The following TNRC18 variants were observed in gnomAD, a reference collection of about 807,000 sequenced individuals.
TNRC18 encodes the protein trinucleotide repeat containing 18.
Under a neutral mutation model 226.7 loss-of-function variants are expected in TNRC18, and 69 were observed. That is an observed-to-expected ratio of 0.30 (90% CI 0.25 to 0.37). TNRC18 has a LOEUF of 0.37. Ranked by LOEUF, TNRC18 falls within the 10% of genes least tolerant of loss-of-function variation. The pLI, the probability that TNRC18 is intolerant of heterozygous loss-of-function variation, is 1.00. For missense variants in TNRC18, 4,754 were observed against 4,256.6 expected (o/e 1.12, Z -3.25); for synonymous variants, 2,449 against 1,927.6 (o/e 1.27, Z -7.09).
At chr7:5,334,002 C>A (rs118187968) in intron 18 of TNRC18, among the ~76,000 whole-genome samples, 1 of 152,178 alleles carries the variant, frequency 6.6e-6, no homozygotes, top group Non-Finnish European at 1.5e-5. Flanking sequence ...GTGAGTGAGG[C>A]GTAGATGGCA....
At chr7:5,369,663 C>T (rs867311845) in intron 11 of TNRC18, among the ~76,000 whole-genome samples, 86 of 152,270 alleles carry the variant, frequency 5.6e-4, no homozygotes, top group African/African-American at 2.0e-3. Context: ...GGTTTCTTGG[C>T]TTGAACACCT....
In TNRC18 at chr7:5,363,763, C is replaced by T. The variant is rs186208492; in HGVS notation, c.4220-938G>A. ...TTCCAGCAGTACGGCTCTCCTTCCA[C>T]TTATTTGTACGTGCATTTTTCCATA... On this transcript the variant is annotated intron_variant, in intron 11 of 29. Transcript: ENST00000430969. Among the ~76,000 whole-genome samples, 699 of 152,198 alleles carry T rather than the reference C, an allele frequency of 4.6e-3. 6 individuals are homozygous for T. Among genetic ancestry groups the T allele is most frequent in the African/African-American group, 0.016 (671 of 41,536 alleles).
chr7:5,353,470 G>C (rs1323182555), intron 16 of TNRC18, among the ~76,000 whole-genome samples: 2 of 150,118 alleles, frequency 1.3e-5, no homozygotes, highest in Non-Finnish European at 3.0e-5. Context: ...GAGGTGGGAG[G>C]ATCACTTGAA....
chr7:5,340,663 A>T (rs1476485191), intron 18 of TNRC18, among the ~76,000 whole-genome samples: 2 of 151,418 alleles, frequency 1.3e-5, no homozygotes, highest in Non-Finnish European at 2.9e-5. Flanking sequence ...GAATCACTTG[A>T]ACCCGGGAGG....
chr7:5,410,809 T>C (rs1180299081), intron 2 of TNRC18, among the ~76,000 whole-genome samples: 4 of 132,638 alleles, frequency 3.0e-5, no homozygotes, highest in African/African-American at 1.2e-4. Context: ...TGCAGTGAAC[T>C]GAGATCTCGC....
chr7:5,368,168 A>AT (rs949816203), intron 11 of TNRC18, among the ~76,000 whole-genome samples: 4 of 152,150 alleles, frequency 2.6e-5, no homozygotes, highest in South Asian at 2.1e-4. Flanking sequence ...TAAAACAATG[A>AT]TTTTTTAAAA....
Position 5,361,656 on chromosome 7 carries a change from G to C in TNRC18, c.4599C>G (p.Thr1533=). 6.4e-7 allele frequency: 1 copy of C among 1,560,850 alleles called. No homozygotes were observed. Among genetic ancestry groups the C allele is most frequent in the African/African-American group, 1.4e-5 (1 of 72,780 alleles). Residue 1533 remains threonine, a synonymous_variant, in exon 14 of 30, where the codon ACC becomes ACG. Coordinates refer to ENST00000430969, the MANE Select transcript of TNRC18 (RefSeq NM_001080495.3). The part of the protein sequence containing the change: ...RRGPGRPRKR[T]HAPSALSPPR... ...GGGGCGACAGGGCGCTCGGGGCGTG[G>C]GTCCGTTTCCGCGGCCTGCCAGGGC...
At chr7:5,359,371 A>T in intron 15 of TNRC18, 27 bp downstream of exon 15, 1 of 1,611,496 alleles carries the variant, frequency 6.2e-7, no homozygotes, top group Non-Finnish European at 8.5e-7. Context: ...GAAAGATCTC[A>T]CACACCTGGA....
chr7:5,420,913 C>T (rs1365180380), intron 2 of TNRC18, 147 bp downstream of exon 2: 4 of 1,031,940 alleles, frequency 3.9e-6, no homozygotes, highest in Non-Finnish European at 5.9e-6. Flanking sequence ...CCAGGAGTTT[C>T]CCAGCCCTGG....
chr7:5,350,842 A>T (rs1043625868), intron 17 of TNRC18, among the ~76,000 whole-genome samples: 1 of 152,136 alleles, frequency 6.6e-6, no homozygotes, highest in African/African-American at 2.4e-5. Flanking sequence ...ACAGAGCACG[A>T]TGCTCCGTCC....
chr7:5,341,860 C>A (rs958124874), intron 18 of TNRC18, among the ~76,000 whole-genome samples: 6 of 151,772 alleles, frequency 4.0e-5, no homozygotes, highest in Non-Finnish European at 1.5e-5. Flanking sequence ...GCTGTTGAGA[C>A]CTATTGTTCA....
chr7:5,395,847 A>C (rs553071952), intron 2 of TNRC18, among the ~76,000 whole-genome samples: 62 of 152,294 alleles, frequency 4.1e-4, no homozygotes, highest in Admixed American at 9.2e-4. Context: ...AATACAAAAA[A>C]TTAGCTGGAT....
In TNRC18 at chr7:5,309,034, G is replaced by A. The variant is rs1303591671; in HGVS notation, c.8626-85C>T. On this transcript the variant is annotated intron_variant, in intron 28 of 29. Transcript: ENST00000430969. This position sits in a 1 kb window ranked among gnomAD's most constrained non-coding sequence, Gnocchi z 5.7. ...GGCCCCAGGACAGGGCTGACCCACT[G>A]GGCAGGGCTGCTGATGCTCCAGCAC... The A allele has an allele frequency of 1.2e-5, 18 of 1,509,542 alleles. No individual in the cohort carries two copies. The highest frequency in any genetic ancestry group is 1.2e-5 in the Non-Finnish European group (13 of 1,109,568). The allele number at this position is 1,509,542 out of a possible 1,614,324, so 93.5% of individuals were successfully genotyped here. A position where few individuals can be genotyped will look rare whatever the true frequency, so the allele number is the denominator to read the frequency against.
chr7:5,411,226 AAAAAAAAG>A lies in TNRC18; in HGVS notation c.187+9826_187+9833del, dbSNP rs1584112636. On this transcript the variant is annotated intron_variant, in intron 2 of 29. Coordinates refer to ENST00000430969, the MANE Select transcript of TNRC18 (RefSeq NM_001080495.3). Reference sequence around the variant, plus strand: ...GTGAGACTCCATCTCAAAAAAAAAAAAAAAAAAGAAAAAAGAAAAGGAAGGGGGAGGTG... The same window carrying A: ...GTGAGACTCCATCTCAAAAAAAAAAAAAAAAAGAAAAGGAAGGGGGAGGTG... Among the ~76,000 whole-genome samples the A allele has an allele frequency of 5.3e-5, 8 of 151,910 alleles. No homozygotes were observed. In the South Asian group the frequency reaches 1.7e-3, roughly 32 times the overall value.
chr7:5,347,228 C>T (rs987173010), intron 17 of TNRC18, among the ~76,000 whole-genome samples: 8 of 149,752 alleles, frequency 5.3e-5, no homozygotes, highest in African/African-American at 2.0e-4. Context: ...CGCTCTGTCA[C>T]CCAGGCTGGA....
At chr7:5,359,259 T>A (rs1792779147) in intron 15 of TNRC18, 139 bp downstream of exon 15, 1 of 889,284 alleles carries the variant, frequency 1.1e-6, no homozygotes, top group South Asian at 1.6e-5. Flanking sequence ...TGGAGAAGAG[T>A]CATTCCGGCA....
chr7:5,362,400 C>G (rs541514452), intron 12 of TNRC18, among the ~76,000 whole-genome samples: 25 of 152,244 alleles, frequency 1.6e-4, no homozygotes, highest in African/African-American at 6.0e-4. Flanking sequence ...CTGGGCTACT[C>G]TGTTTCCAGT....
At chr7:5,416,859 T>TACATACCTG in intron 2 of TNRC18, among the ~76,000 whole-genome samples, 1 of 152,052 alleles carries the variant, frequency 6.6e-6, no homozygotes, top group South Asian at 2.1e-4. Flanking sequence ...GGCATGGTGG[T>TACATACCTG]ACATACCTGT....
chr7:5,384,130 A>G (rs1176012290), intron 5 of TNRC18, among the ~76,000 whole-genome samples: 1 of 151,922 alleles, frequency 6.6e-6, no homozygotes, highest in Non-Finnish European at 1.5e-5. Flanking sequence ...ACACTTGGCT[A>G]ATATTGTATT....
Sources: gnomAD v4.1 joint callset for allele counts (sites outside exome capture counted in the v4.1 genomes callset) on GRCh38, gnomAD v4.1.1 for gene constraint, Gnocchi (gnomAD v3.1) non-coding constraint, MANE v1.5 for transcripts, NCBI Gene and HGNC (gene_info 2026-07-23, HGNC 2026-07-21) for gene names.